The following ZFYVE28 variants were observed in gnomAD, a reference collection of about 807,000 sequenced individuals.
The protein encoded by ZFYVE28 is lateral signaling target protein 2 homolog.
Under a neutral mutation model 82.1 loss-of-function variants are expected in ZFYVE28, and 40 were observed. The observed-to-expected ratio is 0.49, with a 90% CI of 0.38 to 0.63. The LOEUF is 0.63. Ranked by LOEUF, ZFYVE28 falls within the 30% of genes least tolerant of loss-of-function variation. ZFYVE28 has a pLI of 0.00. For missense variants in ZFYVE28, 1,321 were observed against 1,242.1 expected (o/e 1.06, Z -0.96); for synonymous variants, 612 against 546.1 (o/e 1.12, Z -1.68).
rs1388948112 is a variant in ZFYVE28, at chr4:2,416,887, G to C, written c.39+1398C>G. Among the ~76,000 whole-genome samples the C allele has an allele frequency of 6.6e-6, 1 of 151,736 alleles. No individual in the cohort carries two copies. The highest frequency in any genetic ancestry group is 1.5e-5 in the Non-Finnish European group (1 of 68,018). ...GCCCTCAACCCAACACTCCGGCAAC[G>C]ACAAACAGAATTCCCCGACCTCAAA... On this transcript the variant is annotated intron_variant, in intron 1 of 12. Transcript: ENST00000290974. The surrounding 1 kb of genome is among the most constrained non-coding windows in gnomAD (Gnocchi z 4.6).
intron 10 of ZFYVE28, among the ~76,000 whole-genome samples, chr4:2,272,429 C>T (rs1183230806): frequency 6.6e-5 from 10 of 152,198 alleles, no homozygotes; most frequent in East Asian, 3.8e-4. Flanking sequence ...CTACAGGGAC[C>T]GAGGGCCAGA....
At chr4:2,292,220 G>A (rs1199314018) in intron 8 of ZFYVE28, among the ~76,000 whole-genome samples, 2 of 152,214 alleles carry the variant, frequency 1.3e-5, no homozygotes, top group African/African-American at 2.4e-5. Flanking sequence ...AAGCGAACAG[G>A]AATGCCACAG....
At chr4:2,352,423 G>A (rs144663123) in intron 2 of ZFYVE28, among the ~76,000 whole-genome samples, 2,083 of 152,060 alleles carry the variant, frequency 0.014, 21 homozygotes, top group Middle Eastern at 0.034. Context: ...AGGAAGAGGG[G>A]GAGGCGTGGA....
intron 8 of ZFYVE28, among the ~76,000 whole-genome samples, chr4:2,295,282 C>G (rs1714367060): frequency 6.6e-6 from 1 of 152,122 alleles, no homozygotes. Context: ...CTGCCTCAGC[C>G]TCCCAAGTAG....
chr4:2,399,006 A>T (rs56949437), intron 1 of ZFYVE28, among the ~76,000 whole-genome samples: 3,625 of 71,802 alleles, frequency 0.05, 86 homozygotes, highest in Middle Eastern at 0.091. Flanking sequence ...GGGCACAAGG[A>T]GGGGCGAGAT....
At chr4:2,355,206 A>C (rs1293600002) in intron 1 of ZFYVE28, among the ~76,000 whole-genome samples, 1 of 898 alleles carries the variant, frequency 1.1e-3, no homozygotes, top group African/African-American at 2.3e-3. Flanking sequence ...GAAAATATAT[A>C]TATATATATA....
At position 2,292,304 on chromosome 4, in the gene ZFYVE28, G is replaced by C. The variant is rs181113451; in HGVS notation, c.2051+11985C>G. Among the ~76,000 whole-genome samples, 8 of 152,310 alleles carry C rather than the reference G, an allele frequency of 5.3e-5. No individual in the cohort carries two copies. The East Asian group carries it at 1.5e-3, about 29-fold the overall frequency. ...AGCTGGCAAAGCTCCCTACATCTTC[G>C]TCCAGGCAGCCATGGGCTGAACGAT... On this transcript the variant is annotated intron_variant, in intron 8 of 12. Transcript: ENST00000290974.
intron 1 of ZFYVE28, among the ~76,000 whole-genome samples, chr4:2,375,729 G>A (rs1418503526): frequency 1.3e-5 from 2 of 152,182 alleles, no homozygotes; most frequent in South Asian, 2.1e-4. Flanking sequence ...CCACACACAA[G>A]GGGCATCCCA....
Position 2,320,212 on chromosome 4 carries a change from G to A in ZFYVE28, c.761C>T (p.Ser254Phe). 6.2e-7 allele frequency: 1 copy of A among 1,614,014 alleles called. No homozygotes were observed. The highest frequency in any genetic ancestry group is 1.1e-5 in the South Asian group (1 of 91,058). ...LNLDRKVEDM[S>F]ELFRPFHTLL... ...CGTGTGGAAGGGCCGGAACAGCTCG[G>A]ACATGTCTTCCACCTTGCGGTCCAA... The change falls in exon 7 of 13, where the codon TCC (serine) becomes TTC (phenylalanine). Residue 254 changes from serine (S) to phenylalanine (F), a missense_variant. Ser to Phe is a radical substitution (Grantham distance 155). Coordinates refer to ENST00000290974, the MANE Select transcript of ZFYVE28 (RefSeq NM_020972.3). The surrounding 1 kb of genome is among the most constrained non-coding windows in gnomAD (Gnocchi z 5.1).
At position 2,366,051 on chromosome 4, in the gene ZFYVE28, T is replaced by TCCCCCAGCGCAGCC. The variant is rs535127204; in HGVS notation, c.40-11992_40-11979dup. ...GTGAACTCAGGTGGCCCAGCGCAGC[T>TCCCCCAGCGCAGCC]CCCCCAGCGCAGCCAGTGAAGGAAG... On this transcript the variant is annotated intron_variant, in intron 1 of 12. Transcript: ENST00000290974. Among the ~76,000 whole-genome samples the TCCCCCAGCGCAGCC allele has an allele frequency of 2.8e-3, 427 of 151,802 alleles. 2 individuals are homozygous for TCCCCCAGCGCAGCC. Among genetic ancestry groups the TCCCCCAGCGCAGCC allele is most frequent in the African/African-American group, 9.9e-3 (409 of 41,372 alleles).
intron 1 of ZFYVE28, among the ~76,000 whole-genome samples, chr4:2,406,925 G>T (rs1731983810): frequency 6.6e-6 from 1 of 152,060 alleles, no homozygotes; most frequent in South Asian, 2.1e-4. Context: ...TGCCTACCCT[G>T]TGGTAATTCA....
chr4:2,349,495 T>C (rs1724048893), intron 2 of ZFYVE28, among the ~76,000 whole-genome samples: 1 of 152,092 alleles, frequency 6.6e-6, no homozygotes, highest in South Asian at 2.1e-4. Flanking sequence ...TGTGCACATG[T>C]ACCCTAAAAC....
intron 8 of ZFYVE28, among the ~76,000 whole-genome samples, chr4:2,282,731 T>G (rs1290116398): frequency 6.6e-6 from 1 of 152,194 alleles, no homozygotes; most frequent in East Asian, 1.9e-4. Context: ...ACTAACAGCA[T>G]CACAGTATGT....
At chr4:2,276,440 A>G (rs1230388517) in intron 8 of ZFYVE28, among the ~76,000 whole-genome samples, 1 of 152,176 alleles carries the variant, frequency 6.6e-6, no homozygotes, top group African/African-American at 2.4e-5. Context: ...CCAGGATGTC[A>G]GCTTCCACTC....
chr4:2,393,618 T>G (rs1394798001), intron 1 of ZFYVE28, among the ~76,000 whole-genome samples: 4 of 152,192 alleles, frequency 2.6e-5, no homozygotes, highest in African/African-American at 7.2e-5. Context: ...TTTTTGGTTG[T>G]TTTTGACTCT....
intron 1 of ZFYVE28, among the ~76,000 whole-genome samples, chr4:2,411,977 C>A (rs1355567500): frequency 6.6e-6 from 1 of 152,198 alleles, no homozygotes; most frequent in Non-Finnish European, 1.5e-5. Context: ...CTGCAGTCAG[C>A]CCTGGTCCTG....
In ZFYVE28 at chr4:2,305,609, C is replaced by T. The variant is rs942636918; in HGVS notation, c.804-73G>A. 2.5e-6 allele frequency: 4 copies of T among 1,569,450 alleles called. No homozygotes were observed. In the African/African-American group the frequency reaches 5.4e-5, roughly 21 times the overall value. On this transcript the variant is annotated intron_variant, in intron 7 of 12. Coordinates refer to ENST00000290974, the MANE Select transcript of ZFYVE28 (RefSeq NM_020972.3). ...CAGCCTCCTTGGCCAGGAGTGGACG[C>T]AGCACCCTGGAGTCTGCACCAGCAG...
chr4:2,413,279 G>A (rs902829291), intron 1 of ZFYVE28, among the ~76,000 whole-genome samples: 2 of 152,264 alleles, frequency 1.3e-5, no homozygotes, highest in African/African-American at 2.4e-5. Context: ...GCCACCTCAA[G>A]AGCACATGGG....
rs185133291 is a variant in ZFYVE28, at chr4:2,350,333, G to A, written c.180+3600C>T. ...CAAAAAATTAGCCGGGCGAGGTGGC[G>A]GGCGCCTGTAGTCCCAGCTACTCGG... On this transcript the variant is annotated intron_variant, in intron 2 of 12. Transcript: ENST00000290974. Among the ~76,000 whole-genome samples the A allele has an allele frequency of 7.2e-5, 11 of 152,032 alleles. No individual in the cohort carries two copies. In the East Asian group the frequency reaches 9.7e-4, roughly 13 times the overall value.
Sources: gnomAD v4.1 joint callset for allele counts (sites outside exome capture counted in the v4.1 genomes callset) on GRCh38, gnomAD v4.1.1 for gene constraint, Gnocchi (gnomAD v3.1) non-coding constraint, MANE v1.5 for transcripts, NCBI Gene and HGNC (gene_info 2026-07-23, HGNC 2026-07-21) for gene names.